E2F3: variants seen among roughly 807,000 people sequenced by gnomAD.
E2F3 encodes the protein transcription factor E2F3.
E2F3 carries 11 observed loss-of-function variants against 44.4 expected under a neutral mutation model. The observed-to-expected ratio is 0.25, with a 90% CI of 0.16 to 0.41. The LOEUF is 0.41. E2F3 is among the 10% of genes least tolerant of loss of function. The pLI, the probability that E2F3 is intolerant of heterozygous loss-of-function variation, is 1.00. For synonymous variants in E2F3, 249 were observed against 253.0 expected (o/e 0.98, Z 0.15); for missense variants, 487 against 583.6 (o/e 0.83, Z 1.70).
chr6:20,402,605 G>C lies in E2F3; in HGVS notation c.373G>C (p.Gly125Arg). The C allele has an allele frequency of 7.6e-7, 1 of 1,309,068 alleles. No individual in the cohort carries two copies. The allele number at this position is 1,309,068 out of a possible 1,614,324, so 81.1% of individuals were successfully genotyped here. Residue 125 changes from glycine to arginine, a missense_variant, in exon 1 of 7, where the codon GGC (glycine) becomes CGC (arginine). By Grantham distance (125) the Gly-to-Arg change is moderately radical. Coordinates refer to ENST00000346618, the MANE Select transcript of E2F3 (RefSeq NM_001949.5). The surrounding 1 kb of genome is among the most constrained non-coding windows in gnomAD (Gnocchi z 5.6). Reference sequence around the variant, plus strand: ...ACCAGCGCTGGGACGCGGCGGCAGCGGCGGCGGCGGCGGCCCTCCGGTAAT... The same window carrying C: ...ACCAGCGCTGGGACGCGGCGGCAGCCGCGGCGGCGGCGGCCCTCCGGTAAT... ...QPPALGRGGS[G>R]GGGGPPAKRR...
chr6:20,457,368 T>TC (rs1554138862), intron 1 of E2F3, among the ~76,000 whole-genome samples: 1 of 148,636 alleles, frequency 6.7e-6, no homozygotes, highest in Non-Finnish European at 1.5e-5. Flanking sequence ...TTTTTTTTTT[T>TC]AGTAGAGATG....
At chr6:20,455,638 C>T (rs1761284827) in intron 1 of E2F3, among the ~76,000 whole-genome samples, 1 of 152,164 alleles carries the variant, frequency 6.6e-6, no homozygotes, top group Admixed American at 6.5e-5. Context: ...AGATTAAGTA[C>T]AAAACTTTCT....
intron 1 of E2F3, among the ~76,000 whole-genome samples, chr6:20,411,344 G>A (rs1759664792): frequency 6.6e-6 from 1 of 151,974 alleles, no homozygotes; most frequent in South Asian, 2.1e-4. Flanking sequence ...AGGGCGGGGG[G>A]TTGTCTTGCT....
At chr6:20,431,074 G>A (rs1282156133) in intron 1 of E2F3, among the ~76,000 whole-genome samples, 2 of 152,020 alleles carry the variant, frequency 1.3e-5, no homozygotes, top group East Asian at 1.9e-4. Flanking sequence ...TAGCAAAAAG[G>A]CCCAACCAAA....
At chr6:20,424,424 CATGT>C (rs1561854051) in intron 1 of E2F3, among the ~76,000 whole-genome samples, 1 of 151,088 alleles carries the variant, frequency 6.6e-6, no homozygotes, top group Non-Finnish European at 1.5e-5. Flanking sequence ...TGCATACATG[CATGT>C]ATGTGCTGTG....
chr6:20,402,736 G>C lies in E2F3; in HGVS notation c.393+111G>C. ...CGGGGAGAGCACTGGGCCGAGCATC[G>C]TGGGCCTCGGGGGCTGCCCCTCCAA... On this transcript the variant is annotated intron_variant, in intron 1 of 6. Transcript: ENST00000346618. This position sits in a 1 kb window ranked among gnomAD's most constrained non-coding sequence, Gnocchi z 5.6. The C allele has an allele frequency of 8.0e-7, 1 of 1,250,700 alleles. No homozygotes were observed. Among genetic ancestry groups the C allele is most frequent in the Non-Finnish European group, 1.0e-6 (1 of 999,320 alleles). 77.5% of individuals were successfully genotyped at this position (1,250,700 alleles called of 1,614,324 possible). A position where few individuals can be genotyped will look rare whatever the true frequency, so the allele number is the denominator to read the frequency against.
At chr6:20,455,009 A>G (rs1466495120) in intron 1 of E2F3, among the ~76,000 whole-genome samples, 2 of 152,196 alleles carry the variant, frequency 1.3e-5, no homozygotes, top group Admixed American at 1.3e-4. Flanking sequence ...CCAGCCGATG[A>G]CAATGTATAT....
At chr6:20,458,233 C>T (rs1761379941) in intron 1 of E2F3, among the ~76,000 whole-genome samples, 1 of 152,150 alleles carries the variant, frequency 6.6e-6, no homozygotes, top group South Asian at 2.1e-4. Context: ...GGGAGTCATT[C>T]AGAATGAGAG....
At chr6:20,403,304 T>C (rs911773706) in intron 1 of E2F3, among the ~76,000 whole-genome samples, 1 of 152,038 alleles carries the variant, frequency 6.6e-6, no homozygotes, top group Non-Finnish European at 1.5e-5. Flanking sequence ...GCTGGCGCTC[T>C]GGCCTGGGCG....
At chr6:20,477,516 C>T (rs1297051466) in intron 1 of E2F3, among the ~76,000 whole-genome samples, 1 of 152,078 alleles carries the variant, frequency 6.6e-6, no homozygotes, top group East Asian at 1.9e-4. Flanking sequence ...GTGTCTTACT[C>T]TTTTCCCTTA....
Position 20,402,080 on chromosome 6 carries a change from G to A in E2F3, c.-153G>A, listed in dbSNP as rs1759321092. Reference sequence around the variant, plus strand: ...TGGCCCCCGGGGCCTGTGCGGTGCGGAAAAATAAAAAGAAAAGAGAGAGAG... The same window carrying A: ...TGGCCCCCGGGGCCTGTGCGGTGCGAAAAAATAAAAAGAAAAGAGAGAGAG... On this transcript the variant is annotated 5_prime_UTR_variant, in exon 1 of 7. Transcript: ENST00000346618. The surrounding 1 kb of genome is among the most constrained non-coding windows in gnomAD (Gnocchi z 5.6). 4 of 1,345,540 alleles carry A rather than the reference G, an allele frequency of 3.0e-6. No individual in the cohort carries two copies. Among genetic ancestry groups the A allele is most frequent in the Non-Finnish European group, 3.9e-6 (4 of 1,036,512 alleles). The allele number at this position is 1,345,540 out of a possible 1,614,324, so 83.4% of individuals were successfully genotyped here.
chr6:20,445,857 A>G (rs1760927233), intron 1 of E2F3, among the ~76,000 whole-genome samples: 1 of 152,268 alleles, frequency 6.6e-6, no homozygotes, highest in Non-Finnish European at 1.5e-5. Flanking sequence ...TAAGATGATT[A>G]TTTAATCAGT....
At position 20,490,129 on chromosome 6, in the gene E2F3, C is replaced by G; in HGVS notation, c.1136-39C>G. The G allele has an allele frequency of 6.5e-7, 1 of 1,531,888 alleles. No homozygotes were observed. Among genetic ancestry groups the G allele is most frequent in the Non-Finnish European group, 8.8e-7 (1 of 1,139,242 alleles). The allele number at this position is 1,531,888 out of a possible 1,614,324, so 94.9% of individuals were successfully genotyped here. A position where few individuals can be genotyped will look rare whatever the true frequency, so the allele number is the denominator to read the frequency against. On this transcript the variant is annotated intron_variant, in intron 6 of 6. Coordinates refer to ENST00000346618, the MANE Select transcript of E2F3 (RefSeq NM_001949.5). The surrounding 1 kb of genome is among the most constrained non-coding windows in gnomAD (Gnocchi z 4.3). ...TTCCAGAAAAATTCATTTGATTTTT[C>G]TAACTTATTTTTTGTTTCCATCAAT...
At chr6:20,472,068 A>ACACACACACACACACACT (rs1320530650) in intron 1 of E2F3, among the ~76,000 whole-genome samples, 68 of 147,620 alleles carry the variant, frequency 4.6e-4, no homozygotes, top group African/African-American at 1.6e-3. Context: ...ACACACACAC[A>ACACACACACACACACACT]CTCACATCTA....
At chr6:20,414,257 C>G (rs544874044) in intron 1 of E2F3, among the ~76,000 whole-genome samples, 1 of 152,106 alleles carries the variant, frequency 6.6e-6, no homozygotes, top group African/African-American at 2.4e-5. Context: ...TTTTGGGGAT[C>G]GATGCTGTCA....
intron 1 of E2F3, among the ~76,000 whole-genome samples, chr6:20,464,448 G>T (rs1761635014): frequency 6.6e-6 from 1 of 152,114 alleles, no homozygotes; most frequent in Admixed American, 6.5e-5. Flanking sequence ...ACTCTTCTGG[G>T]CACTGCCATC....
In E2F3 at chr6:20,474,558, G is replaced by C. The variant is rs183981510; in HGVS notation, c.394-5288G>C. Among the ~76,000 whole-genome samples, 37 of 152,264 alleles carry C rather than the reference G, an allele frequency of 2.4e-4. No homozygotes were observed. The East Asian group carries it at 6.9e-3, about 29-fold the overall frequency. ...TAAACAATGAATACCTCTCCAATCA[G>C]TACGATGCTCACGCTGTGAACTAAC... On this transcript the variant is annotated intron_variant, in intron 1 of 6. Coordinates refer to ENST00000346618, the MANE Select transcript of E2F3 (RefSeq NM_001949.5).
chr6:20,476,244 G>A (rs759038379), intron 1 of E2F3, among the ~76,000 whole-genome samples: 8 of 152,102 alleles, frequency 5.3e-5, no homozygotes, highest in Non-Finnish European at 8.8e-5. Flanking sequence ...GGTGGCGGAC[G>A]CCTGTAGTCC....
At position 20,462,797 on chromosome 6, in the gene E2F3, G is replaced by A. The variant is rs527330969; in HGVS notation, c.394-17049G>A. On this transcript the variant is annotated intron_variant, in intron 1 of 6. Coordinates refer to ENST00000346618, the MANE Select transcript of E2F3 (RefSeq NM_001949.5). ...CTATAGTTACACAATAAAAACCTGG[G>A]TATCGGGCAGGGCAGGTCTCTCTAT... Among the ~76,000 whole-genome samples, 3 of 146,740 alleles carry A rather than the reference G, an allele frequency of 2.0e-5. No homozygotes were observed. In the East Asian group the frequency reaches 6.1e-4, roughly 30 times the overall value.
Sources: allele counts gnomAD v4.1 joint callset (sites outside exome capture counted in the v4.1 genomes callset), GRCh38; gene constraint gnomAD v4.1.1; non-coding constraint Gnocchi (gnomAD v3.1); transcripts MANE v1.5; gene names NCBI Gene and HGNC (gene_info 2026-07-23, HGNC 2026-07-21).